The following ADGB variants were observed in gnomAD, a reference collection of about 807,000 sequenced individuals.
ADGB encodes calpain-7-like protein.
A neutral mutation model predicts 210.5 loss-of-function variants in ADGB; 172 were observed. The ratio of observed to expected loss-of-function variants is 0.82; its 90% CI spans 0.72 to 0.93. The LOEUF (loss-of-function observed/expected upper bound fraction) is 0.93. ADGB is among the 40% of genes least tolerant of loss of function. The pLI is 0.00. For missense variants in ADGB, 2,025 were observed against 1,964.8 expected (o/e 1.03, Z -0.58); for synonymous variants, 658 against 662.7 (o/e 0.99, Z 0.11).
chr6:146,758,029 C>G (rs1171740160), intron 27 of ADGB, among the ~76,000 whole-genome samples: 1 of 152,054 alleles, frequency 6.6e-6, no homozygotes, highest in Non-Finnish European at 1.5e-5. Context: ...TTGGGCAAAG[C>G]TGTAGTACTT....
chr6:146,754,246 C>A (rs1043109495), intron 27 of ADGB, among the ~76,000 whole-genome samples: 2 of 150,652 alleles, frequency 1.3e-5, no homozygotes, highest in South Asian at 2.1e-4. Flanking sequence ...ATAATGTATT[C>A]TTTTTTATTT....
chr6:146,635,273 T>C (rs1775401499), intron 1 of ADGB, 102 bp from the exon 2 acceptor site: 1 of 1,063,802 alleles, frequency 9.4e-7, no homozygotes, highest in Non-Finnish European at 1.2e-6. Context: ...GTAGTTAGTA[T>C]GACTCAGCTG....
chr6:146,602,661 G>C (rs948215411), intron 1 of ADGB, among the ~76,000 whole-genome samples: 20 of 152,102 alleles, frequency 1.3e-4, no homozygotes, highest in African/African-American at 4.6e-4. Flanking sequence ...CTACGTCAAG[G>C]GTCCCCACCC....
intron 33 of ADGB, among the ~76,000 whole-genome samples, chr6:146,793,635 T>C (rs1466225867): frequency 6.6e-6 from 1 of 152,138 alleles, no homozygotes; most frequent in Non-Finnish European, 1.5e-5. Flanking sequence ...AGGTTAAAAA[T>C]ACAGGGCCCG....
At chr6:146,741,011 T>C in intron 24 of ADGB, 107 bp from the exon 25 acceptor site, 1 of 819,002 alleles carries the variant, frequency 1.2e-6, no homozygotes, top group Non-Finnish European at 1.8e-6. Context: ...TGCCTTTTAG[T>C]TATTTGGAAC....
chr6:146,772,536 T>G (rs1777665554), intron 29 of ADGB, among the ~76,000 whole-genome samples: 1 of 147,736 alleles, frequency 6.8e-6, no homozygotes, highest in African/African-American at 2.5e-5. Context: ...TAGTACTGGT[T>G]TCACGTCTTT....
chr6:146,660,726 C>T (rs1214548996), intron 5 of ADGB, among the ~76,000 whole-genome samples: 1 of 151,986 alleles, frequency 6.6e-6, no homozygotes, highest in African/African-American at 2.4e-5. Flanking sequence ...TAGTCTTTGC[C>T]CATTTGTACG....
rs117853850 is a variant in ADGB, at chr6:146,711,467, T to C, written c.1708-3915T>C. 4.1e-3 allele frequency among the ~76,000 whole-genome samples: 621 copies of C among 152,246 alleles called. 5 individuals are homozygous for C. The highest frequency in any genetic ancestry group is 5.2e-3 in the Non-Finnish European group (355 of 68,024). On this transcript the variant is annotated intron_variant, in intron 13 of 35. Transcript: ENST00000397944. ...TAGACTTCCTTTTGTCTCTCTCCTC[T>C]GATGGACTTCCTATTTTTGGTCTCT...
At chr6:146,669,652 C>G (rs2114899833) in intron 7 of ADGB, among the ~76,000 whole-genome samples, 1 of 152,206 alleles carries the variant, frequency 6.6e-6, no homozygotes, top group South Asian at 2.1e-4. Context: ...TGCTCTTTCT[C>G]AGGCTTCTTG....
At chr6:146,801,805 C>T in intron 34 of ADGB, 23 bp from the exon 35 acceptor site, 1 of 1,515,238 alleles carries the variant, frequency 6.6e-7, no homozygotes, top group Middle Eastern at 1.7e-4. Context: ...AAATCTGTAT[C>T]TTTTGATGAC....
At chr6:146,674,917 A>C (rs1776066463) in intron 8 of ADGB, among the ~76,000 whole-genome samples, 1 of 152,132 alleles carries the variant, frequency 6.6e-6, no homozygotes, top group African/African-American at 2.4e-5. Flanking sequence ...TTTAAGTCAC[A>C]AATTCTGAAT....
chr6:146,613,019 T>C (rs373017563), intron 1 of ADGB, among the ~76,000 whole-genome samples: 1 of 152,234 alleles, frequency 6.6e-6, no homozygotes, highest in African/African-American at 2.4e-5. Flanking sequence ...AATTTTTCTC[T>C]CTCTTCCGTG....
intron 22 of ADGB, among the ~76,000 whole-genome samples, chr6:146,735,130 T>TA (rs1390607342): frequency 6.6e-6 from 1 of 152,150 alleles, no homozygotes; most frequent in East Asian, 1.9e-4. Flanking sequence ...TTAAAAACCC[T>TA]AAATTACATA....
intron 18 of ADGB, chr6:146,725,009 T>A (rs1364209520): frequency 6.6e-6 from 1 of 152,224 alleles, no homozygotes; most frequent in Non-Finnish European, 1.5e-5. Flanking sequence ...TTCTATGTGA[T>A]CAATGAAAAG....
At chr6:146,686,356 G>T (rs1022611387) in intron 10 of ADGB, among the ~76,000 whole-genome samples, 2 of 151,956 alleles carry the variant, frequency 1.3e-5, no homozygotes, top group Non-Finnish European at 2.9e-5. Flanking sequence ...TGTAGTGAAA[G>T]GAAATACAAT....
At chr6:146,780,865 T>C (rs1333729134) in intron 29 of ADGB, among the ~76,000 whole-genome samples, 3 of 152,102 alleles carry the variant, frequency 2.0e-5, no homozygotes, top group African/African-American at 7.2e-5. Context: ...ACCTATAGAA[T>C]ACTCCACTCA....
At chr6:146,605,364 A>G (rs1780617272) in intron 1 of ADGB, among the ~76,000 whole-genome samples, 1 of 152,254 alleles carries the variant, frequency 6.6e-6, no homozygotes, top group Admixed American at 6.5e-5. Flanking sequence ...CCACATTTCC[A>G]GCCTCCAGTT....
chr6:146,627,323 G>A (rs1304866540), intron 1 of ADGB, among the ~76,000 whole-genome samples: 2 of 151,880 alleles, frequency 1.3e-5, no homozygotes, highest in African/African-American at 4.8e-5. Context: ...TTTATGCCTG[G>A]TAATTTTTTA....
rs770611638 is a variant in ADGB at position 146,788,614 on chromosome 6, A to C, written c.4537+4A>C. 4.7e-5 allele frequency: 73 copies of C among 1,549,792 alleles called. No individual in the cohort carries two copies. Among genetic ancestry groups the C allele is most frequent in the Non-Finnish European group, 3.3e-5 (38 of 1,145,628 alleles). ...AGCACACGGAAGGAAAACATTCGTA[A>C]GTATTGCTGTCATTGGTAACATAAA... On this transcript the variant is annotated splice_donor_region_variant and intron_variant, in intron 33 of 35. Transcript: ENST00000397944.
Sources: allele counts gnomAD v4.1 joint callset (sites outside exome capture counted in the v4.1 genomes callset), GRCh38; gene constraint gnomAD v4.1.1; transcripts MANE v1.5; gene names NCBI Gene and HGNC (gene_info 2026-07-23, HGNC 2026-07-21).